Variants in TACR3 observed in about 807,000 individuals in gnomAD.
TACR3 encodes neuromedin-K receptor.
TACR3 carries 34 observed loss-of-function variants against 35.0 expected under a neutral mutation model. The observed-to-expected ratio is 0.97, with a 90% CI of 0.74 to 1.30. The LOEUF (loss-of-function observed/expected upper bound fraction) is 1.30, where lower values mean the gene tolerates loss of function less well. TACR3 is among the 50% of genes most tolerant of loss of function. The pLI, the probability that TACR3 is intolerant of heterozygous loss-of-function variation, is 0.00. For synonymous variants in TACR3, 233 were observed against 221.1 expected, an observed-to-expected ratio of 1.05 and a Z score of -0.48; for missense variants, 558 against 591.7, an observed-to-expected ratio of 0.94 and a Z score of 0.59.
intron 1 of TACR3, among the ~76,000 whole-genome samples, chr4:103,667,477 A>G (rs1725959279): frequency 6.6e-6 from 1 of 152,186 alleles, no homozygotes; most frequent in Admixed American, 6.5e-5. Flanking sequence ...CTAAATAACT[A>G]AGAGACTAGA....
chr4:103,597,994 T>G (rs1435643023), intron 3 of TACR3, among the ~76,000 whole-genome samples: 1 of 152,144 alleles, frequency 6.6e-6, no homozygotes, highest in Non-Finnish European at 1.5e-5. Context: ...GGTCAAATGG[T>G]ATTTCTAGTT....
At chr4:103,680,348 C>T (rs1726263894) in intron 1 of TACR3, among the ~76,000 whole-genome samples, 2 of 151,026 alleles carry the variant, frequency 1.3e-5, no homozygotes, top group South Asian at 4.2e-4. Context: ...AATGTTTAAG[C>T]TTGTTTGGAG....
At position 103,713,630 on chromosome 4, in the gene TACR3, T is replaced by C. The variant is rs951536485; in HGVS notation, c.548+5498A>G. Among the ~76,000 whole-genome samples, 14 of 148,820 alleles carry C rather than the reference T, an allele frequency of 9.4e-5. No individual in the cohort carries two copies. The East Asian group carries it at 2.8e-3, about 29-fold the overall frequency. On this transcript the variant is annotated intron_variant, in intron 1 of 4. Coordinates refer to ENST00000304883, the MANE Select transcript of TACR3 (RefSeq NM_001059.3). ...GGAACTTAAAGTATAATAATAATAA[T>C]AATAAGGAAAAAAAAGACAGAAAAT...
rs1723769675 is a variant in TACR3, at chr4:103,586,211, T to A, written c.*3471A>T. 1 of 150,280 alleles carries A rather than the reference T, an allele frequency of 6.7e-6. No individual in the cohort carries two copies. The highest frequency in any genetic ancestry group is 2.1e-4 in the South Asian group (1 of 4,812). 9.3% of individuals were successfully genotyped at this position (150,280 alleles called of 1,614,324 possible). On this transcript the variant is annotated 3_prime_UTR_variant, in exon 5 of 5. Coordinates refer to ENST00000304883, the MANE Select transcript of TACR3 (RefSeq NM_001059.3). ...TTTACTTCTTATATAAACAGATTTT[T>A]CATATATATATATATATGTATGAAA...
chr4:103,678,063 G>T (rs541653466), intron 1 of TACR3, among the ~76,000 whole-genome samples: 1 of 152,028 alleles, frequency 6.6e-6, no homozygotes, highest in South Asian at 2.1e-4. Context: ...AAATCTCTCC[G>T]TTTAAAACAG....
At chr4:103,636,140 A>C (rs895303880) in intron 3 of TACR3, among the ~76,000 whole-genome samples, 5 of 152,112 alleles carry the variant, frequency 3.3e-5, no homozygotes, top group Middle Eastern at 3.4e-3. Flanking sequence ...AATTACTCTC[A>C]GTATGCTTTA....
chr4:103,719,061 C>G, intron 1 of TACR3, 67 bp downstream of exon 1: 1 of 1,600,612 alleles, frequency 6.2e-7, no homozygotes, highest in East Asian at 2.2e-5. Flanking sequence ...CCTTTGTAAT[C>G]TTATCCCACC....
At chr4:103,634,423 A>G (rs765737219) in intron 3 of TACR3, among the ~76,000 whole-genome samples, 4 of 152,080 alleles carry the variant, frequency 2.6e-5, no homozygotes, top group Non-Finnish European at 5.9e-5. Context: ...ATGTGTGCTC[A>G]TGATACCCAG....
chr4:103,601,030 G>A (rs186395265), intron 3 of TACR3, among the ~76,000 whole-genome samples: 137 of 152,012 alleles, frequency 9.0e-4, no homozygotes, highest in African/African-American at 3.1e-3. Context: ...ACTTTCTCTC[G>A]TTGATCTGTC....
At chr4:103,647,993 G>C (rs1725497771) in intron 3 of TACR3, among the ~76,000 whole-genome samples, 2 of 151,882 alleles carry the variant, frequency 1.3e-5, no homozygotes, top group Non-Finnish European at 2.9e-5. Context: ...AATTCACAAG[G>C]CTTGAAATTG....
At chr4:103,656,424 C>A (rs1395770265) in intron 2 of TACR3, 80 bp from the exon 3 acceptor site, 2 of 1,377,222 alleles carry the variant, frequency 1.5e-6, no homozygotes, top group Non-Finnish European at 2.0e-6. Context: ...AGCTTTAAAT[C>A]ATAATTAAAA....
chr4:103,648,122 C>T (rs1725499354), intron 3 of TACR3, among the ~76,000 whole-genome samples: 1 of 151,894 alleles, frequency 6.6e-6, no homozygotes, highest in African/African-American at 2.4e-5. Flanking sequence ...TATTCTTGTA[C>T]ATGAGTAATT....
intron 3 of TACR3, among the ~76,000 whole-genome samples, chr4:103,623,480 C>T (rs1488513298): frequency 6.6e-6 from 1 of 152,020 alleles, no homozygotes; most frequent in Non-Finnish European, 1.5e-5. Context: ...CTATAACAGC[C>T]ATGTTTGTGC....
At chr4:103,697,398 A>ATTTG (rs201025607) in intron 1 of TACR3, among the ~76,000 whole-genome samples, 1,945 of 126,942 alleles carry the variant, frequency 0.015, 41 homozygotes, top group African/African-American at 0.052. Flanking sequence ...TTATTTATTT[A>ATTTG]TTTGTTTATT....
intron 3 of TACR3, among the ~76,000 whole-genome samples, chr4:103,611,660 T>C (rs572015009): frequency 6.6e-6 from 1 of 152,022 alleles, no homozygotes; most frequent in South Asian, 2.1e-4. Flanking sequence ...TTTCCTTTTT[T>C]TTAACACAGA....
rs114450151 is a variant in TACR3 at position 103,682,890 on chromosome 4, G to C, written c.549-24487C>G. Among the ~76,000 whole-genome samples, 699 of 152,190 alleles carry C rather than the reference G, an allele frequency of 4.6e-3. 6 individuals are homozygous for C. Among genetic ancestry groups the C allele is most frequent in the African/African-American group, 0.016 (658 of 41,526 alleles). On this transcript the variant is annotated intron_variant, in intron 1 of 4. Transcript: ENST00000304883. ...ATGTTAACTTGATTTTTTAAAGCCA[G>C]CAACGAAGAAAGAGAAAATCTAGAG...
intron 1 of TACR3, among the ~76,000 whole-genome samples, chr4:103,674,284 T>C (rs192039550): frequency 1.8e-4 from 27 of 152,028 alleles, no homozygotes; most frequent in Middle Eastern, 3.4e-3. Context: ...CAGAGCACAA[T>C]GAATTGTCTC....
At chr4:103,653,567 C>A (rs566366627) in intron 3 of TACR3, among the ~76,000 whole-genome samples, 31 of 152,126 alleles carry the variant, frequency 2.0e-4, no homozygotes, top group Middle Eastern at 3.4e-3. Flanking sequence ...TAAAGACTTA[C>A]ATGTTCGACT....
chr4:103,655,244 T>A (rs1421395062), intron 3 of TACR3, among the ~76,000 whole-genome samples: 1 of 152,170 alleles, frequency 6.6e-6, no homozygotes, highest in Admixed American at 6.6e-5. Context: ...TTTTAAAACC[T>A]GATTGATCAC....
Sources: gnomAD v4.1 joint callset for allele counts (sites outside exome capture counted in the v4.1 genomes callset) on GRCh38, gnomAD v4.1.1 for gene constraint, MANE v1.5 for transcripts, NCBI Gene and HGNC (gene_info 2026-07-23, HGNC 2026-07-21) for gene names.